Variants in SGCZ observed in about 807,000 individuals in gnomAD.
SGCZ encodes sarcoglycan zeta, also known as zeta-sarcoglycan.
Under a neutral mutation model 41.3 loss-of-function variants are expected in SGCZ, and 40 were observed. The ratio of observed to expected loss-of-function variants is 0.97; its 90% CI spans 0.75 to 1.26. The LOEUF (loss-of-function observed/expected upper bound fraction) is 1.26. SGCZ is among the 50% of genes most tolerant of loss of function. The pLI, the probability that SGCZ is intolerant of heterozygous loss-of-function variation, is 0.00. For missense variants in SGCZ, 552 were observed against 369.8 expected, an observed-to-expected ratio of 1.49 and a Z score of -4.04; for synonymous variants, 206 against 137.5, an observed-to-expected ratio of 1.50 and a Z score of -3.49.
chr8:14,140,691 A>T (rs1470474210), intron 5 of SGCZ, among the ~76,000 whole-genome samples: 1 of 152,174 alleles, frequency 6.6e-6, no homozygotes, highest in Non-Finnish European at 1.5e-5. Flanking sequence ...AAATGGAAGA[A>T]CATTCCATGC....
chr8:14,423,188 G>C (rs1228407601), intron 2 of SGCZ, among the ~76,000 whole-genome samples: 1 of 151,768 alleles, frequency 6.6e-6, no homozygotes, highest in Non-Finnish European at 1.5e-5. Flanking sequence ...GGGAGGGATA[G>C]CATTAGGAGA....
chr8:14,563,381 A>T (rs1200371933), intron 1 of SGCZ, among the ~76,000 whole-genome samples: 3 of 152,228 alleles, frequency 2.0e-5, no homozygotes, highest in Non-Finnish European at 4.4e-5. Context: ...AGGCTAAAAT[A>T]AATGACTCCT....
At chr8:14,834,243 A>C (rs372541364) in intron 1 of SGCZ, among the ~76,000 whole-genome samples, 8 of 152,258 alleles carry the variant, frequency 5.3e-5, no homozygotes, top group African/African-American at 1.9e-4. Context: ...ACCTGAATAG[A>C]TTCTATGGAT....
chr8:14,257,349 GA>G (rs1213626132), intron 3 of SGCZ, among the ~76,000 whole-genome samples: 4 of 117,328 alleles, frequency 3.4e-5, no homozygotes, highest in Admixed American at 8.4e-5. Context: ...CCTGTCTCCA[GA>G]AAAAAAAAAG....
chr8:14,315,647 A>G (rs1287229234), intron 3 of SGCZ, among the ~76,000 whole-genome samples: 1 of 152,118 alleles, frequency 6.6e-6, no homozygotes, highest in Non-Finnish European at 1.5e-5. Context: ...GATGTGGCCT[A>G]AACACTTGAT....
At chr8:14,323,124 A>G (rs1426793457) in intron 3 of SGCZ, among the ~76,000 whole-genome samples, 1 of 152,086 alleles carries the variant, frequency 6.6e-6, no homozygotes, top group Non-Finnish European at 1.5e-5. Context: ...TGCATATTTT[A>G]AAAAAGAAAT....
intron 1 of SGCZ, among the ~76,000 whole-genome samples, chr8:15,055,992 G>A (rs569753908): frequency 5.5e-4 from 83 of 152,278 alleles, no homozygotes; most frequent in African/African-American, 1.9e-3. Context: ...GTAAAGCTGG[G>A]TAAAGCAGTG....
At position 15,183,919 on chromosome 8, in the gene SGCZ, ACTG is replaced by A. The variant is rs1367042809; in HGVS notation, c.39+53663_39+53665del. On this transcript the variant is annotated intron_variant, in intron 1 of 7. Coordinates refer to ENST00000382080, the MANE Select transcript of SGCZ (RefSeq NM_139167.4). ...AAGGGATCAAGTGTAATTACTACAT[ACTG>A]CACAGAGTAATAAAGGTCTGTGTAA... is the stretch of plus-strand genomic sequence containing the variant. Among the ~76,000 whole-genome samples the A allele has an allele frequency of 6.0e-4, 91 of 152,328 alleles. 3 individuals are homozygous for A. The South Asian group carries it at 0.018, about 30-fold the overall frequency.
intron 1 of SGCZ, among the ~76,000 whole-genome samples, chr8:15,174,731 T>C (rs1357472784): frequency 2.0e-5 from 3 of 152,244 alleles, no homozygotes; most frequent in Non-Finnish European, 4.4e-5. Context: ...TTCTTAATTG[T>C]TGCCAGTGTA....
chr8:14,434,711 T>G (rs1800039286), intron 2 of SGCZ, among the ~76,000 whole-genome samples: 1 of 151,954 alleles, frequency 6.6e-6, no homozygotes. Flanking sequence ...TTCCAAATAT[T>G]TTAATTTTTT....
Position 14,399,767 on chromosome 8 carries a change from A to T in SGCZ, c.235-75563T>A, listed in dbSNP as rs181479544. ...TGTTGATGTATTTTACATTTTCTAAAATAAGCCTTTTCAAAGGACTAACAA... is the reference window on the plus strand; with the variant it reads ...TGTTGATGTATTTTACATTTTCTAATATAAGCCTTTTCAAAGGACTAACAA... On this transcript the variant is annotated intron_variant, in intron 2 of 7. Coordinates refer to ENST00000382080, the MANE Select transcript of SGCZ (RefSeq NM_139167.4). Among the ~76,000 whole-genome samples, 43 of 152,290 alleles carry T rather than the reference A, an allele frequency of 2.8e-4. No homozygotes were observed. In the Middle Eastern group the frequency reaches 0.014, roughly 48 times the overall value.
intron 1 of SGCZ, among the ~76,000 whole-genome samples, chr8:15,180,570 C>A (rs1350877609): frequency 6.7e-6 from 1 of 150,038 alleles, no homozygotes; most frequent in Non-Finnish European, 1.5e-5. Context: ...AGCACTGATA[C>A]AAAGAACAAG....
intron 2 of SGCZ, among the ~76,000 whole-genome samples, chr8:14,394,644 T>A (rs1804914892): frequency 6.6e-6 from 1 of 152,066 alleles, no homozygotes; most frequent in African/African-American, 2.4e-5. Context: ...TAGACAGTAA[T>A]CCGTGGGTGA....
chr8:14,339,248 G>A (rs796405292), intron 2 of SGCZ, among the ~76,000 whole-genome samples: 4 of 152,166 alleles, frequency 2.6e-5, no homozygotes, highest in African/African-American at 7.2e-5. Flanking sequence ...ATCGCTCAAG[G>A]CCAGACAAAT....
At chr8:14,148,590 GAA>G (rs1008830719) in intron 5 of SGCZ, among the ~76,000 whole-genome samples, 1 of 151,990 alleles carries the variant, frequency 6.6e-6, no homozygotes, top group African/African-American at 2.4e-5. Context: ...CTTCACTGCT[GAA>G]TCCAACCAAA....
chr8:14,641,761 T>G (rs1585147533), intron 1 of SGCZ, among the ~76,000 whole-genome samples: 1 of 151,666 alleles, frequency 6.6e-6, no homozygotes, highest in East Asian at 1.9e-4. Flanking sequence ...ACCCACTTTC[T>G]AGCGTATGGG....
At position 14,464,583 on chromosome 8, in the gene SGCZ, T is replaced by C. The variant is rs1033630835; in HGVS notation, c.234+90149A>G. On this transcript the variant is annotated intron_variant, in intron 2 of 7. Coordinates refer to ENST00000382080, the MANE Select transcript of SGCZ (RefSeq NM_139167.4). ...TGTTGATTTTCTTTATTTTTTATTCTTTATTTTGTTTATCTCTGCTTTAGT... is the reference window on the plus strand; with the variant it reads ...TGTTGATTTTCTTTATTTTTTATTCCTTATTTTGTTTATCTCTGCTTTAGT... Among the ~76,000 whole-genome samples the C allele has an allele frequency of 1.1e-4, 16 of 151,404 alleles. 1 individual carries two copies. Among genetic ancestry groups the C allele is most frequent in the Non-Finnish European group, 2.2e-4 (15 of 67,536 alleles).
chr8:14,745,202 C>A (rs1372944113), intron 1 of SGCZ, among the ~76,000 whole-genome samples: 1 of 113,924 alleles, frequency 8.8e-6, no homozygotes, highest in Non-Finnish European at 1.7e-5. Context: ...ATGATTTTAA[C>A]ACTACTGTGT....
At chr8:14,382,007 T>A (rs1295799915) in intron 2 of SGCZ, among the ~76,000 whole-genome samples, 1 of 152,146 alleles carries the variant, frequency 6.6e-6, no homozygotes, top group African/African-American at 2.4e-5. Context: ...GCTTTGTCAT[T>A]TCCGGAGCTT....
Sources: gnomAD v4.1 joint callset for allele counts (sites outside exome capture counted in the v4.1 genomes callset) on GRCh38, gnomAD v4.1.1 for gene constraint, MANE v1.5 for transcripts, NCBI Gene and HGNC (gene_info 2026-07-23, HGNC 2026-07-21) for gene names.